The following AUTS2 variants were observed in gnomAD, a reference collection of about 807,000 sequenced individuals.
AUTS2 encodes autism susceptibility gene 2 protein.
A neutral mutation model predicts 112.4 loss-of-function variants in AUTS2; 17 were observed. That is an observed-to-expected ratio of 0.15 (90% CI 0.10 to 0.23). The LOEUF (loss-of-function observed/expected upper bound fraction) is 0.23. Ranked by LOEUF, AUTS2 falls within the 10% of genes least tolerant of loss-of-function variation. The pLI, the probability that AUTS2 is intolerant of heterozygous loss-of-function variation, is 1.00. For synonymous variants in AUTS2, 751 were observed against 702.7 expected, an observed-to-expected ratio of 1.07 and a Z score of -1.09; for missense variants, 1,510 against 1,701.6, an observed-to-expected ratio of 0.89 and a Z score of 1.98.
chr7:69,704,781 T>A (rs1343304062), intron 1 of AUTS2, among the ~76,000 whole-genome samples: 2 of 152,236 alleles, frequency 1.3e-5, no homozygotes, highest in African/African-American at 2.4e-5. Context: ...ATGTACCTTG[T>A]GTTAGAGCTG....
At chr7:69,671,734 A>G (rs971018748) in intron 1 of AUTS2, among the ~76,000 whole-genome samples, 2 of 152,128 alleles carry the variant, frequency 1.3e-5, no homozygotes, top group African/African-American at 4.8e-5. Flanking sequence ...CTTTAAGGTC[A>G]TTTGGATGAA....
At chr7:70,405,720 T>G (rs1024403054) in intron 4 of AUTS2, among the ~76,000 whole-genome samples, 1 of 152,216 alleles carries the variant, frequency 6.6e-6, no homozygotes, top group Non-Finnish European at 1.5e-5. Flanking sequence ...TAAAATCTCT[T>G]CTTTATGAAG....
chr7:70,571,089 C>T (rs540168880), intron 5 of AUTS2, among the ~76,000 whole-genome samples: 39 of 152,212 alleles, frequency 2.6e-4, no homozygotes, highest in Non-Finnish European at 4.6e-4. Context: ...ATTTGTAGGA[C>T]GAGTGCATGA....
At chr7:70,356,040 C>T (rs1206130952) in intron 4 of AUTS2, among the ~76,000 whole-genome samples, 3 of 152,116 alleles carry the variant, frequency 2.0e-5, no homozygotes, top group Non-Finnish European at 4.4e-5. Context: ...ACACTACCTG[C>T]GGGGAGAAGT....
chr7:70,102,497 ATATAGTTTTGGCAT>A (rs896270497), intron 2 of AUTS2, among the ~76,000 whole-genome samples: 14 of 151,600 alleles, frequency 9.2e-5, no homozygotes, highest in Non-Finnish European at 1.9e-4. Context: ...AGGTATTTTC[ATATAGTTTTGGCAT>A]TATAGTTTCT....
intron 1 of AUTS2, among the ~76,000 whole-genome samples, chr7:69,858,240 A>C (rs536120903): frequency 1.3e-5 from 2 of 152,328 alleles, no homozygotes; most frequent in South Asian, 2.1e-4. Flanking sequence ...TCAAAGTAGC[A>C]TAAGCTTTAG....
chr7:69,997,960 GC>G (rs1298350041), intron 2 of AUTS2, among the ~76,000 whole-genome samples: 1 of 152,196 alleles, frequency 6.6e-6, no homozygotes, highest in Non-Finnish European at 1.5e-5. Context: ...TGCTTTGAAT[GC>G]ATTGGAAAGC....
intron 2 of AUTS2, among the ~76,000 whole-genome samples, chr7:69,986,256 C>G (rs914733366): frequency 1.3e-5 from 2 of 152,188 alleles, no homozygotes; most frequent in Admixed American, 6.5e-5. Flanking sequence ...ATCCCCAGCA[C>G]CTAGTGCTAT....
In AUTS2 at chr7:69,625,904, A is replaced by AG. The variant is rs973822262; in HGVS notation, c.309+25943dup. On this transcript the variant is annotated intron_variant, in intron 1 of 18. Transcript: ENST00000342771. ...GACAGGGAAGGGAAAGGGAAGGAGA[A>AG]GAAAGAATGACAATGGAACATAGGA... 3.9e-5 allele frequency among the ~76,000 whole-genome samples: 6 copies of AG among 152,240 alleles called. No individual in the cohort carries two copies. The South Asian group carries it at 6.2e-4, about 16-fold the overall frequency.
At chr7:70,477,744 T>A (rs1797635758) in intron 5 of AUTS2, among the ~76,000 whole-genome samples, 1 of 152,214 alleles carries the variant, frequency 6.6e-6, no homozygotes, top group African/African-American at 2.4e-5. Context: ...GAGAGTTTTG[T>A]GATTGTCAAA....
intron 1 of AUTS2, among the ~76,000 whole-genome samples, chr7:69,744,601 G>C (rs929567511): frequency 6.6e-6 from 1 of 151,834 alleles, no homozygotes; most frequent in Non-Finnish European, 1.5e-5. Context: ...GGGAGGCTGA[G>C]GTAGGAGTAT....
At chr7:70,310,504 T>G (rs1467813225) in intron 4 of AUTS2, among the ~76,000 whole-genome samples, 1 of 151,772 alleles carries the variant, frequency 6.6e-6, no homozygotes, top group Non-Finnish European at 1.5e-5. Context: ...TCCCAGCTAC[T>G]TGGGAGGCTG....
intron 5 of AUTS2, among the ~76,000 whole-genome samples, chr7:70,602,170 A>C (rs960588619): frequency 1.7e-5 from 2 of 119,012 alleles, no homozygotes. Context: ...AAACAGCAAA[A>C]CCTTTGCCAT....
chr7:70,304,845 G>C (rs1789419587), intron 4 of AUTS2, among the ~76,000 whole-genome samples: 1 of 150,312 alleles, frequency 6.7e-6, no homozygotes, highest in Non-Finnish European at 1.5e-5. Context: ...ATACCCAAAG[G>C]CTCTATTTCA....
intron 1 of AUTS2, among the ~76,000 whole-genome samples, chr7:69,634,328 G>T (rs1379954125): frequency 6.6e-6 from 1 of 151,918 alleles, no homozygotes; most frequent in Non-Finnish European, 1.5e-5. Context: ...CACCGTGTTA[G>T]CCAGGATGGT....
At chr7:70,392,261 C>T (rs1232294127) in intron 4 of AUTS2, among the ~76,000 whole-genome samples, 1 of 152,082 alleles carries the variant, frequency 6.6e-6, no homozygotes, top group Non-Finnish European at 1.5e-5. Flanking sequence ...TGGAGAGACT[C>T]AGTTTTTTCT....
At chr7:69,866,651 TACAATTTTTAGGTCTTCCTCA>T (rs1793246874) in intron 1 of AUTS2, among the ~76,000 whole-genome samples, 1 of 152,166 alleles carries the variant, frequency 6.6e-6, no homozygotes, top group South Asian at 2.1e-4. Flanking sequence ...AGTTCTGGAA[TACAATTTTTAGGTCTTCCTCA>T]ACATTCCTGT....
At chr7:69,618,625 C>A (rs1028014070) in intron 1 of AUTS2, among the ~76,000 whole-genome samples, 1 of 151,988 alleles carries the variant, frequency 6.6e-6, no homozygotes, top group Admixed American at 6.5e-5. Flanking sequence ...CTTTTGAGGA[C>A]CAGTACACTA....
intron 4 of AUTS2, among the ~76,000 whole-genome samples, chr7:70,380,230 T>G (rs1389579433): frequency 6.6e-6 from 1 of 152,234 alleles, no homozygotes; most frequent in African/African-American, 2.4e-5. Context: ...TCTTTTCTGA[T>G]TAATGTGGCT....
Sources: gnomAD v4.1 joint callset for allele counts (sites outside exome capture counted in the v4.1 genomes callset) on GRCh38, gnomAD v4.1.1 for gene constraint, MANE v1.5 for transcripts, NCBI Gene and HGNC (gene_info 2026-07-23, HGNC 2026-07-21) for gene names.